Variants in TLE2 observed in about 807,000 individuals in gnomAD.
The protein encoded by TLE2 is TLE family member 2, transcriptional corepressor.
In TLE2, 74 loss-of-function variants were observed where a neutral mutation model predicts 97.2. That is an observed-to-expected ratio of 0.76 (90% CI 0.63 to 0.92). The LOEUF is 0.92. Among genes scored for constraint, TLE2 ranks in the 40% least tolerant of loss-of-function variants. The pLI, the probability that TLE2 is intolerant of heterozygous loss-of-function variation, is 0.00. For missense variants in TLE2, 1,038 were observed against 1,008.7 expected (o/e 1.03, Z -0.39); for synonymous variants, 499 against 432.1 (o/e 1.15, Z -1.92).
chr19:3,011,279 G>GTGCTGGGATTA, intron 11 of TLE2, 119 bp from the exon 12 acceptor site: 1 of 1,175,920 alleles, frequency 8.5e-7, no homozygotes, highest in Non-Finnish European at 1.2e-6. Context: ...TGTAATCCCA[G>GTGCTGGGATTA]CACTTTGGGA....
At chr19:3,009,731 T>G in intron 12 of TLE2, 29 bp from the exon 13 acceptor site, 1 of 1,587,454 alleles carries the variant, frequency 6.3e-7, no homozygotes, top group South Asian at 1.2e-5. Context: ...GGACAGGTTT[T>G]GACGCCCTGG....
Position 3,019,950 on chromosome 19 carries a change from C to T in TLE2, c.295-177G>A, listed in dbSNP as rs535491621. The T allele has an allele frequency of 5.7e-4, 496 of 871,004 alleles. No individual in the cohort carries two copies. Among genetic ancestry groups the T allele is most frequent in the Non-Finnish European group, 7.8e-4 (452 of 580,712 alleles). The allele number at this position is 871,004 out of a possible 1,614,324, so 54.0% of individuals were successfully genotyped here. A position where few individuals can be genotyped will look rare whatever the true frequency, so the allele number is the denominator to read the frequency against. On this transcript the variant is annotated intron_variant, in intron 5 of 19. Transcript: ENST00000262953. The surrounding 1 kb of genome is among the most constrained non-coding windows in gnomAD (Gnocchi z 5.1). ...TTTCCTTTTGGAATTTTGAAATAAG[C>T]ACACGGAGAAAGAAACCAAACCTAA...
chr19:2,998,253 G>GTGTGTGTC (rs1185425433), intron 19 of TLE2, among the ~76,000 whole-genome samples: 1 of 121,092 alleles, frequency 8.3e-6, no homozygotes, highest in African/African-American at 3.9e-5. Context: ...GTGTGTGTGT[G>GTGTGTGTC]TGTGTGTGTG....
Position 3,019,360 on chromosome 19 carries a change from C to A in TLE2, c.473G>T (p.Gly158Val), listed in dbSNP as rs1398940599. The change falls in exon 7 of 20, where the codon GGA becomes GTA. Residue 158 changes from glycine to valine, a missense_variant. Gly to Val is a moderately radical substitution (Grantham distance 109). Coordinates refer to ENST00000262953, the MANE Select transcript of TLE2 (RefSeq NM_003260.5). The surrounding 1 kb of genome is among the most constrained non-coding windows in gnomAD (Gnocchi z 5.1). ...GSATGLLALSGALAAQAQLAA... is the reference protein window; with the variant it reads ...GSATGLLALSVALAAQAQLAA... The stretch of plus-strand genomic sequence containing the variant: ...CAGCTGAGCCTGGGCAGCCAGGGCT[C>A]CAGACAGAGCAAGCAGCCCCGTAGC... 1.3e-6 allele frequency: 2 copies of A among 1,562,334 alleles called. No homozygotes were observed. Among genetic ancestry groups the A allele is most frequent in the Non-Finnish European group, 1.7e-6 (2 of 1,161,688 alleles).
chr19:3,034,909 G>C (rs954024139), intron 1 of TLE2, among the ~76,000 whole-genome samples: 1 of 152,188 alleles, frequency 6.6e-6, no homozygotes, highest in African/African-American at 2.4e-5. Flanking sequence ...GTCAGCACAG[G>C]AGCGAGCTAA....
intron 1 of TLE2, among the ~76,000 whole-genome samples, chr19:3,036,525 G>A (rs1200130886): frequency 6.6e-6 from 1 of 152,208 alleles, no homozygotes; most frequent in African/African-American, 2.4e-5. Flanking sequence ...CCGAACTGCC[G>A]GGCCACCAGC....
Position 3,028,782 on chromosome 19 carries a change from G to T in TLE2, c.46C>A (p.Pro16Thr). The T allele has an allele frequency of 6.2e-7, 1 of 1,612,832 alleles. No individual in the cohort carries two copies. Among genetic ancestry groups the T allele is most frequent in the Non-Finnish European group, 8.5e-7 (1 of 1,179,846 alleles). The change falls in exon 2 of 20, where the codon CCC becomes ACC. Residue 16 changes from proline to threonine, a missense_variant. Pro to Thr is a conservative substitution (Grantham distance 38). Transcript: ENST00000262953. ...ATCTCCAAGATCGAGAACTTGAAGG[G>T]CTGGCCGGACTGGAGCGGGGTCTGG... ...RHPTPLQSGQPFKFSILEICD... is the reference protein window; with the variant it reads ...RHPTPLQSGQTFKFSILEICD...
At chr19:3,046,944 TC>T (rs1327603176), upstream of TLE2, among the ~76,000 whole-genome samples, 1 of 49,946 alleles carries the variant, frequency 2.0e-5, no homozygotes, top group African/African-American at 7.8e-5. Flanking sequence ...CTCCCCCTCC[TC>T]CTCCCTTCCC....
intron 17 of TLE2, among the ~76,000 whole-genome samples, chr19:3,003,226 G>C (rs1481891047): frequency 2.0e-5 from 3 of 152,176 alleles, no homozygotes; most frequent in African/African-American, 7.2e-5. Context: ...AGGGAGGAGG[G>C]AGAGAGGAGG....
chr19:3,040,354 T>C (rs10407820), intron 1 of TLE2, among the ~76,000 whole-genome samples: 1 of 151,790 alleles, frequency 6.6e-6, no homozygotes, highest in East Asian at 1.9e-4. Context: ...TTGTTTGTTT[T>C]TTTTTTAAGA....
At chr19:3,001,285 A>G (rs2145110385) in intron 18 of TLE2, among the ~76,000 whole-genome samples, 1 of 151,538 alleles carries the variant, frequency 6.6e-6, no homozygotes, top group South Asian at 2.1e-4. Flanking sequence ...AAAAAAAAAA[A>G]AATATTTTTT....
At position 2,997,928 on chromosome 19, in the gene TLE2, A is replaced by G; in HGVS notation, c.2152T>C (p.Cys718Arg). The change falls in exon 20 of 20, where the codon TGT becomes CGT. Residue 718 changes from cysteine to arginine, a missense_variant. Cys to Arg is a radical substitution (Grantham distance 180, BLOSUM62 -3). Coordinates refer to ENST00000262953, the MANE Select transcript of TLE2 (RefSeq NM_003260.5). ...TATTTGTTATTTCTGGAGATGTCAC[A>G]ACTCAGGACTGAGGACGACTCCTTG... ...QSKESSSVLS[C>R]DISRNNKYIV... 6.2e-7 allele frequency: 1 copy of G among 1,613,080 alleles called. No homozygotes were observed. The highest frequency in any genetic ancestry group is 8.5e-7 in the Non-Finnish European group (1 of 1,179,574).
intron 3 of TLE2, 105 bp from the exon 4 acceptor site, chr19:3,027,978 A>T: frequency 8.3e-7 from 1 of 1,203,052 alleles, no homozygotes; most frequent in Non-Finnish European, 1.2e-6. Context: ...CAGGGGAATC[A>T]CAGCAGGAAG....
In TLE2 at chr19:3,000,670, G is replaced by A; in HGVS notation, c.2101C>T (p.Pro701Ser). ...ACCTGGAAAATGCTGGCCCCGTACG[G>A]CGTCCTCCAGGCGTTGAGCAGGTTG... ...KDNLLNAWRT[P>S]YGASIFQSKE... The change falls in exon 19 of 20, where the codon CCG becomes TCG. Residue 701 changes from proline to serine, a missense_variant. Transcript: ENST00000262953. 6.3e-7 allele frequency: 1 copy of A among 1,592,722 alleles called. No individual in the cohort carries two copies. Among genetic ancestry groups the A allele is most frequent in the Non-Finnish European group, 8.5e-7 (1 of 1,170,062 alleles).
upstream of TLE2, chr19:3,047,515 C>CA (rs1395468391): frequency 6.6e-6 from 1 of 151,208 alleles, no homozygotes; most frequent in Non-Finnish European, 1.5e-5. Flanking sequence ...GTGACCCCCC[C>CA]CCAGGCATCC....
chr19:3,019,686 TAGAG>T lies in TLE2; in HGVS notation c.369+9_369+12del. 10 of 1,604,072 alleles carry T rather than the reference TAGAG, an allele frequency of 6.2e-6. No individual in the cohort carries two copies. The East Asian group carries it at 6.8e-5, about 11-fold the overall frequency. Reference sequence around the variant, plus strand: ...CGTCTCCCCATGGCGGGGCAGGGGCTAGAGAGACTCACCCCGATGAGGCTGTTCA... The same window carrying T: ...CGTCTCCCCATGGCGGGGCAGGGGCTAGACTCACCCCGATGAGGCTGTTCA... On this transcript the variant is annotated intron_variant, in intron 6 of 19. Coordinates refer to ENST00000262953, the MANE Select transcript of TLE2 (RefSeq NM_003260.5). This position sits in a 1 kb window ranked among gnomAD's most constrained non-coding sequence, Gnocchi z 5.1.
chr19:3,000,618 C>T, intron 19 of TLE2, 29 bp downstream of exon 19: 1 of 1,560,750 alleles, frequency 6.4e-7, no homozygotes. Flanking sequence ...ATGGCCCTGC[C>T]AGAGTGGGGG....
In TLE2 at chr19:2,997,962, AG is replaced by A. The variant is rs1568226969; in HGVS notation, c.2125-8del. The A allele has an allele frequency of 1.9e-6, 3 of 1,603,288 alleles. No homozygotes were observed. The Admixed American group carries it at 5.1e-5, about 27-fold the overall frequency. ...CTGAGGACGACTCCTTGGACTGCCA[AG>A]GGAAGGGAGAGAGAAAAGGGCACAG... On this transcript the variant is annotated splice_region_variant and splice_polypyrimidine_tract_variant and intron_variant, in intron 19 of 19. Coordinates refer to ENST00000262953, the MANE Select transcript of TLE2 (RefSeq NM_003260.5).
At chr19:3,030,374 G>A (rs1465672955), upstream of TLE2, among the ~76,000 whole-genome samples, 1 of 152,208 alleles carries the variant, frequency 6.6e-6, no homozygotes, top group South Asian at 2.1e-4. Context: ...GCCCACCCGG[G>A]GAGTGGGAAG....
Sources: allele counts gnomAD v4.1 joint callset (sites outside exome capture counted in the v4.1 genomes callset), GRCh38; gene constraint gnomAD v4.1.1; non-coding constraint Gnocchi (gnomAD v3.1); transcripts MANE v1.5; gene names NCBI Gene and HGNC (gene_info 2026-07-23, HGNC 2026-07-21).